LRRC8B: variants seen among roughly 807,000 people sequenced by gnomAD.
LRRC8B encodes volume-regulated anion channel subunit LRRC8B.
In LRRC8B, 23 loss-of-function variants were observed where a neutral mutation model predicts 58.8. The observed-to-expected ratio is 0.39, with a 90% CI of 0.28 to 0.55. LRRC8B has a LOEUF of 0.55. Among genes scored for constraint, LRRC8B ranks in the 20% least tolerant of loss-of-function variants. The probability of loss-of-function intolerance (pLI) is 0.62; values close to 1 mark genes in which losing one functional copy is unlikely to be tolerated. For missense variants in LRRC8B, 694 were observed against 936.0 expected, an observed-to-expected ratio of 0.74 and a Z score of 3.37; for synonymous variants, 359 against 374.1, an observed-to-expected ratio of 0.96 and a Z score of 0.47.
chr1:89,555,043 A>T (rs1382109972), intron 1 of LRRC8B, among the ~76,000 whole-genome samples: 1 of 152,106 alleles, frequency 6.6e-6, no homozygotes, highest in Non-Finnish European at 1.5e-5. Context: ...AAACCATTGA[A>T]ACTCTGTTTC....
chr1:89,538,584 C>G (rs534174575), intron 1 of LRRC8B, among the ~76,000 whole-genome samples: 1 of 152,174 alleles, frequency 6.6e-6, no homozygotes, highest in Admixed American at 6.5e-5. Context: ...ACTTCCTTAA[C>G]GGATGTGTCA....
At chr1:89,569,152 T>C (rs1160284837) in intron 3 of LRRC8B, among the ~76,000 whole-genome samples, 3 of 152,150 alleles carry the variant, frequency 2.0e-5, no homozygotes, top group Non-Finnish European at 2.9e-5. Context: ...TCTGAACATA[T>C]AGTCTAGGTG....
At chr1:89,580,577 A>G (rs1449679222) in intron 4 of LRRC8B, among the ~76,000 whole-genome samples, 1 of 152,078 alleles carries the variant, frequency 6.6e-6, no homozygotes, top group Non-Finnish European at 1.5e-5. Context: ...TCTTTGCTTC[A>G]TGTATTCCTC....
At chr1:89,540,913 T>C (rs908201470) in intron 1 of LRRC8B, among the ~76,000 whole-genome samples, 1 of 152,248 alleles carries the variant, frequency 6.6e-6, no homozygotes, top group Non-Finnish European at 1.5e-5. Context: ...CAAACTGTGA[T>C]TACTGACATT....
At chr1:89,552,329 T>C (rs1651884730) in intron 1 of LRRC8B, among the ~76,000 whole-genome samples, 1 of 152,184 alleles carries the variant, frequency 6.6e-6, no homozygotes, top group Non-Finnish European at 1.5e-5. Context: ...CCCAATCTCC[T>C]TGGAATAAGA....
intron 1 of LRRC8B, among the ~76,000 whole-genome samples, chr1:89,564,151 T>C (rs1463759462): frequency 6.6e-6 from 1 of 152,202 alleles, no homozygotes; most frequent in Non-Finnish European, 1.5e-5. Context: ...GTTATTAAAT[T>C]GTTGGTAAAT....
chr1:89,560,493 G>C (rs1652552407), intron 1 of LRRC8B, among the ~76,000 whole-genome samples: 1 of 150,402 alleles, frequency 6.6e-6, no homozygotes, highest in African/African-American at 2.4e-5. Flanking sequence ...CCACTAACTC[G>C]TCATCTAGCA....
rs961274457 is a variant in LRRC8B at position 89,593,622 on chromosome 1, T to C, written c.*579T>C. ...CACATCCAGGGTGGACTGGGAGCTA[T>C]GAAATGACTAAATTCCTCCTTGCAG... On this transcript the variant is annotated 3_prime_UTR_variant, in exon 6 of 6. Transcript: ENST00000330947. 2.6e-5 allele frequency: 4 copies of C among 152,476 alleles called. No homozygotes were observed. The highest frequency in any genetic ancestry group is 9.6e-5 in the African/African-American group (4 of 41,458). 9.4% of individuals were successfully genotyped at this position (152,476 alleles called of 1,614,324 possible). A position where few individuals can be genotyped will look rare whatever the true frequency, so the allele number is the denominator to read the frequency against.
At chr1:89,576,686 A>C (rs1197803055) in intron 3 of LRRC8B, among the ~76,000 whole-genome samples, 1 of 152,226 alleles carries the variant, frequency 6.6e-6, no homozygotes, top group East Asian at 1.9e-4. Context: ...TTTTATGTAC[A>C]TTAATGTTAG....
chr1:89,578,578 AC>A (rs1348423350), intron 3 of LRRC8B, among the ~76,000 whole-genome samples: 1 of 152,192 alleles, frequency 6.6e-6, no homozygotes, highest in Non-Finnish European at 1.5e-5. Context: ...GACTTGGTAA[AC>A]CCAAAGTAAG....
chr1:89,556,114 G>A (rs550706497), intron 1 of LRRC8B, among the ~76,000 whole-genome samples: 1 of 152,254 alleles, frequency 6.6e-6, no homozygotes, highest in South Asian at 2.1e-4. Context: ...GAGAGGGACT[G>A]GAGATTTTCA....
At chr1:89,538,149 G>A (rs1650675381) in intron 1 of LRRC8B, among the ~76,000 whole-genome samples, 2 of 152,144 alleles carry the variant, frequency 1.3e-5, no homozygotes, top group South Asian at 4.1e-4. Flanking sequence ...CAGGCATGGT[G>A]GCTGGAGCCT....
At chr1:89,577,180 A>G (rs955289943) in intron 3 of LRRC8B, among the ~76,000 whole-genome samples, 4 of 152,188 alleles carry the variant, frequency 2.6e-5, no homozygotes, top group African/African-American at 9.6e-5. Context: ...AGATCTTTGA[A>G]GTAGCGTCCT....
intron 1 of LRRC8B, among the ~76,000 whole-genome samples, chr1:89,529,761 G>A (rs892585469): frequency 1.3e-5 from 2 of 152,066 alleles, no homozygotes; most frequent in Non-Finnish European, 2.9e-5. Flanking sequence ...AATGGTTAAT[G>A]ATACAGAATG....
chr1:89,549,679 A>T (rs745617914), intron 1 of LRRC8B, among the ~76,000 whole-genome samples: 1 of 152,176 alleles, frequency 6.6e-6, no homozygotes, highest in Non-Finnish European at 1.5e-5. Flanking sequence ...TAAACTTTTA[A>T]TGAATTCAGT....
rs565917181 is a variant in LRRC8B at position 89,584,616 on chromosome 1, T to C, written c.1966T>C (p.Ser656Pro). Residue 656 changes from serine to proline, a missense_variant, in exon 5 of 6, where the codon TCT becomes CCT. By Grantham distance (74) the Ser-to-Pro change is moderately conservative. This residue lies in a region of LRRC8B where 53 missense variants were observed against 112.3 expected (regional missense o/e 0.47). Coordinates refer to ENST00000330947, the MANE Select transcript of LRRC8B (RefSeq NM_001369817.2). The part of the protein sequence containing the change: ...AYIPAQIGAL[S>P]NLEQLSLDHN... ...TATTCCTGCACAGATTGGGGCATTATCTAACCTAGAGCAGCTCTCTTTGGA... is the reference window on the plus strand; with the variant it reads ...TATTCCTGCACAGATTGGGGCATTACCTAACCTAGAGCAGCTCTCTTTGGA... 4 of 1,614,134 alleles carry C rather than the reference T, an allele frequency of 2.5e-6. No individual in the cohort carries two copies. Among genetic ancestry groups the C allele is most frequent in the Non-Finnish European group, 3.4e-6 (4 of 1,180,036 alleles).
chr1:89,573,936 G>GT (rs1307312162), intron 3 of LRRC8B, among the ~76,000 whole-genome samples: 1 of 152,218 alleles, frequency 6.6e-6, no homozygotes, highest in Non-Finnish European at 1.5e-5. Context: ...GCTGTGGTAG[G>GT]TTTTTTGATC....
intron 4 of LRRC8B, among the ~76,000 whole-genome samples, chr1:89,580,759 A>G (rs1038482887): frequency 6.6e-6 from 1 of 152,158 alleles, no homozygotes; most frequent in Non-Finnish European, 1.5e-5. Context: ...GAATCCATAT[A>G]ATATTATGTG....
intron 5 of LRRC8B, among the ~76,000 whole-genome samples, chr1:89,590,631 G>A (rs1487543962): frequency 2.0e-5 from 3 of 152,252 alleles, no homozygotes; most frequent in African/African-American, 4.8e-5. Context: ...AGACTGGTGG[G>A]AATGTGGTAG....
Sources: allele counts gnomAD v4.1 joint callset (sites outside exome capture counted in the v4.1 genomes callset), GRCh38; gene constraint gnomAD v4.1.1; regional missense constraint gnomAD v4.1.1; transcripts MANE v1.5; gene names NCBI Gene and HGNC (gene_info 2026-07-23, HGNC 2026-07-21).